The following ARHGAP6 variants were observed in gnomAD, a reference collection of about 807,000 sequenced individuals.
ARHGAP6 encodes the protein Rho GTPase activating protein 6.
ARHGAP6 carries 16 observed loss-of-function variants against 55.7 expected under a neutral mutation model. The ratio of observed to expected loss-of-function variants is 0.29; its 90% CI spans 0.19 to 0.44. The LOEUF is 0.44. ARHGAP6 is among the 20% of genes least tolerant of loss of function. The probability of loss-of-function intolerance (pLI) is 1.00; values close to 1 mark genes in which losing one functional copy is unlikely to be tolerated. For synonymous variants in ARHGAP6, 382 were observed against 360.9 expected, an observed-to-expected ratio of 1.06 and a Z score of -0.66; for missense variants, 698 against 808.9, an observed-to-expected ratio of 0.86 and a Z score of 1.66.
chrX:11,240,277 T>C (rs1433943316), intron 2 of ARHGAP6, among the ~76,000 whole-genome samples: 1 of 112,268 alleles, frequency 8.9e-6, no homozygotes, highest in Non-Finnish European at 1.9e-5. Flanking sequence ...CTACTTTGAG[T>C]TGCCTGCTTC....
At chrX:11,395,883 A>C (rs1254245839) in intron 1 of ARHGAP6, among the ~76,000 whole-genome samples, 6 of 112,290 alleles carry the variant, frequency 5.3e-5, no homozygotes, top group Non-Finnish European at 7.5e-5. Context: ...TAAAGATTGT[A>C]AGCCTAAAGA....
intron 1 of ARHGAP6, among the ~76,000 whole-genome samples, chrX:11,279,670 T>A (rs1179713926): frequency 3.6e-5 from 4 of 110,226 alleles, no homozygotes; most frequent in Admixed American, 9.7e-5. Flanking sequence ...CATTTTTTTT[T>A]AATAATAATA....
At chrX:11,531,365 T>A (rs1232452839) in intron 1 of ARHGAP6, among the ~76,000 whole-genome samples, 1 of 111,743 alleles carries the variant, frequency 8.9e-6, no homozygotes, top group Non-Finnish European at 1.9e-5. Context: ...CACAATACTT[T>A]CTGAAAATGG....
At chrX:11,427,975 C>T (rs1346676300) in intron 1 of ARHGAP6, among the ~76,000 whole-genome samples, 23 of 112,412 alleles carry the variant, frequency 2.0e-4, no homozygotes, top group Admixed American at 9.3e-5. Flanking sequence ...AGGCCGAACG[C>T]GCCCACGACA....
intron 1 of ARHGAP6, among the ~76,000 whole-genome samples, chrX:11,659,768 G>A (rs183455956): frequency 9.0e-6 from 1 of 111,718 alleles, no homozygotes; most frequent in Non-Finnish European, 1.9e-5. Context: ...GGGGCCACTG[G>A]AAAAGGAACC....
chrX:11,441,056 A>G (rs962159295), intron 1 of ARHGAP6, among the ~76,000 whole-genome samples: 5 of 111,526 alleles, frequency 4.5e-5, no homozygotes, highest in Non-Finnish European at 7.5e-5. Context: ...AGAACAAACC[A>G]TATCTCCAGA....
At chrX:11,174,588 TTCTTTTTC>T (rs1224776844) in intron 8 of ARHGAP6, among the ~76,000 whole-genome samples, 11 of 90,420 alleles carry the variant, frequency 1.2e-4, no homozygotes, top group African/African-American at 4.0e-4. Context: ...CTTTCTTTCT[TTCTTTTTC>T]TTTCTTTCTT....
At chrX:11,169,426 C>G in intron 9 of ARHGAP6, 79 bp downstream of exon 9, 1 of 999,846 alleles carries the variant, frequency 1.0e-6, no homozygotes, top group Non-Finnish European at 1.3e-6. Flanking sequence ...AGAGGGTGGT[C>G]TACTAGAATT....
chrX:11,632,687 A>G (rs1189755518), intron 1 of ARHGAP6, among the ~76,000 whole-genome samples: 3 of 112,643 alleles, frequency 2.7e-5, no homozygotes, highest in Non-Finnish European at 5.6e-5. Context: ...CCCAGCAGGA[A>G]CTGAGGAAAT....
At chrX:11,496,076 G>T (rs1251770115) in intron 1 of ARHGAP6, among the ~76,000 whole-genome samples, 2 of 112,286 alleles carry the variant, frequency 1.8e-5, no homozygotes, top group Non-Finnish European at 3.8e-5. Flanking sequence ...AGCTCAGGCT[G>T]CCACCTTAAC....
At chrX:11,554,810 A>G (rs1250218874) in intron 1 of ARHGAP6, among the ~76,000 whole-genome samples, 2 of 112,250 alleles carry the variant, frequency 1.8e-5, no homozygotes, top group Non-Finnish European at 3.8e-5. Context: ...CTCTCCCCCC[A>G]TAGATGTCTA....
At chrX:11,258,238 T>A (rs1229640398) in intron 1 of ARHGAP6, among the ~76,000 whole-genome samples, 2 of 110,438 alleles carry the variant, frequency 1.8e-5, no homozygotes, top group Non-Finnish European at 3.8e-5. Context: ...CCGTGCTAAG[T>A]GGGATGCTGA....
rs184543567 is a variant in ARHGAP6 at position 11,465,678 on chromosome X, C to T, written c.588+198563G>A. ...ATTCACATACCCAAGTTGTTCCAAA[C>T]GTACTTAAAACTTTTCCAAAAACTG... On this transcript the variant is annotated intron_variant, in intron 1 of 12. Transcript: ENST00000337414. Among the ~76,000 whole-genome samples the T allele has an allele frequency of 2.1e-4, 24 of 111,871 alleles. No homozygotes were observed. In the East Asian group the frequency reaches 6.8e-3, roughly 32 times the overall value.
At chrX:11,618,488 G>A (rs1191305312) in intron 1 of ARHGAP6, among the ~76,000 whole-genome samples, 1 of 111,957 alleles carries the variant, frequency 8.9e-6, no homozygotes, top group Non-Finnish European at 1.9e-5. Context: ...ACTGATAGCT[G>A]ATATATTCTA....
At position 11,139,920 on chromosome X, in the gene ARHGAP6, G is replaced by T. The variant is rs771176634; in HGVS notation, c.2258-390C>A. ...TCAATGCAATCTGTAATCCAGGAGA[G>T]ATACAAATTATAATGTTTTCATGTT... On this transcript the variant is annotated intron_variant, in intron 12 of 12. Coordinates refer to ENST00000337414, the MANE Select transcript of ARHGAP6 (RefSeq NM_013427.3). Among the ~76,000 whole-genome samples, 15 of 111,952 alleles carry T rather than the reference G, an allele frequency of 1.3e-4. No individual in the cohort carries two copies. In the South Asian group the frequency reaches 5.6e-3, roughly 42 times the overall value.
chrX:11,171,573 G>A (rs1454109695), intron 8 of ARHGAP6, among the ~76,000 whole-genome samples: 1 of 112,071 alleles, frequency 8.9e-6, no homozygotes. Context: ...TTGTGAGCTC[G>A]GGTGAGCACT....
chrX:11,519,675 T>C (rs1326165029), intron 1 of ARHGAP6, among the ~76,000 whole-genome samples: 1 of 108,729 alleles, frequency 9.2e-6, no homozygotes, highest in African/African-American at 3.4e-5. Context: ...CCCTCAGAAA[T>C]AACACTGCTT....
intron 2 of ARHGAP6, among the ~76,000 whole-genome samples, chrX:11,213,513 C>A (rs1433257693): frequency 2.7e-5 from 3 of 112,219 alleles, no homozygotes; most frequent in African/African-American, 9.7e-5. Flanking sequence ...AGGTGCCCAA[C>A]AACGGATAAC....
intron 1 of ARHGAP6, among the ~76,000 whole-genome samples, chrX:11,276,938 T>A (rs1007095616): frequency 2.7e-5 from 3 of 111,667 alleles, no homozygotes; most frequent in Non-Finnish European, 5.7e-5. Flanking sequence ...TCTGTGTTTC[T>A]TTTTAGTATA....
Sources: allele counts gnomAD v4.1 joint callset (sites outside exome capture counted in the v4.1 genomes callset), GRCh38; gene constraint gnomAD v4.1.1; transcripts MANE v1.5; gene names NCBI Gene and HGNC (gene_info 2026-07-23, HGNC 2026-07-21).